Variants in RAD1 observed in about 807,000 individuals in gnomAD.
RAD1 encodes RAD1 checkpoint DNA exonuclease.
A neutral mutation model predicts 30.0 loss-of-function variants in RAD1; 21 were observed. That is an observed-to-expected ratio of 0.70 (90% confidence interval 0.50 to 1.01). The LOEUF (loss-of-function observed/expected upper bound fraction) is 1.01, where lower values mean the gene tolerates loss of function less well. RAD1 is among the 50% of genes least tolerant of loss of function. RAD1 has a pLI of 0.00. For synonymous variants in RAD1, 109 were observed against 113.6 expected, an observed-to-expected ratio of 0.96 and a Z score of 0.26; for missense variants, 329 against 329.0, an observed-to-expected ratio of 1.00 and a Z score of 0.00.
rs147035143 is a variant in RAD1 at position 34,908,781 on chromosome 5, G to C, written c.833C>G (p.Pro278Arg). ...EYYCCPDEEV[P>R]ESES ...TTGTCATACTCAAGACTCAGATTCA[G>C]GAACTTCTTCATCAGGGCAGCAGTA... is the stretch of plus-strand genomic sequence containing the variant. The change falls in exon 6 of 6, where the codon CCT (proline) becomes CGT (arginine). Residue 278 changes from proline to arginine, a missense_variant. Physicochemically the swap from Pro to Arg is moderately radical, Grantham distance 103. Coordinates refer to ENST00000382038, the MANE Select transcript of RAD1 (RefSeq NM_002853.4). 1 of 1,602,322 alleles carries C rather than the reference G, an allele frequency of 6.2e-7. No individual in the cohort carries two copies. The highest frequency in any genetic ancestry group is 8.5e-7 in the Non-Finnish European group (1 of 1,176,616).
chr5:34,915,045 G>A, intron 1 of RAD1, 84 bp from the exon 2 acceptor site: 1 of 744,776 alleles, frequency 1.3e-6, no homozygotes, highest in Non-Finnish European at 2.2e-6. Flanking sequence ...GAAAGGGGCT[G>A]GGAGGCTGAA....
In RAD1 at chr5:34,906,876, T is replaced by C. The variant is rs973916895; in HGVS notation, c.*1889A>G. 2.0e-5 allele frequency: 3 copies of C among 152,212 alleles called. No individual in the cohort carries two copies. Among genetic ancestry groups the C allele is most frequent in the Non-Finnish European group, 4.4e-5 (3 of 68,032 alleles). 9.4% of individuals were successfully genotyped at this position (152,212 alleles called of 1,614,324 possible). A position where few individuals can be genotyped will look rare whatever the true frequency, so the allele number is the denominator to read the frequency against. ...GTCCTTAGAATGTTGACTGATTAGATATTTTCCCAAGTATCTTTTAGGTTT... is the reference window on the plus strand; with the variant it reads ...GTCCTTAGAATGTTGACTGATTAGACATTTTCCCAAGTATCTTTTAGGTTT... On this transcript the variant is annotated 3_prime_UTR_variant, in exon 6 of 6. Coordinates refer to ENST00000382038, the MANE Select transcript of RAD1 (RefSeq NM_002853.4).
Position 34,915,415 on chromosome 5 carries a change from C to T in RAD1, c.-70+1G>A, listed in dbSNP as rs540259090. 1.8e-5 allele frequency: 5 copies of T among 275,878 alleles called. No homozygotes were observed. The South Asian group carries it at 3.2e-4, about 18-fold the overall frequency. The allele number at this position is 275,878 out of a possible 1,614,324, so 17.1% of individuals were successfully genotyped here. On this transcript the variant is annotated splice_donor_variant, in intron 1 of 5. Coordinates refer to ENST00000382038, the MANE Select transcript of RAD1 (RefSeq NM_002853.4). LOFTEE classifies it low-confidence loss of function (5UTR_SPLICE). The stretch of plus-strand genomic sequence containing the variant: ...GGGGTCCCCGAGTGCGGAAACCCTA[C>T]CTTTGCGGTGGGGTCTGGACGCCCG...
At chr5:34,909,554 GA>G (rs536120914) in intron 4 of RAD1, among the ~76,000 whole-genome samples, 198 bp from the exon 5 acceptor site, 40 of 152,252 alleles carry the variant, frequency 2.6e-4, no homozygotes, top group Admixed American at 2.1e-3. Context: ...TGGGTTTGAA[GA>G]AAATCAATTG....
chr5:34,913,177 C>T (rs1763903797), intron 3 of RAD1, among the ~76,000 whole-genome samples: 1 of 152,102 alleles, frequency 6.6e-6, no homozygotes, highest in African/African-American at 2.4e-5. Flanking sequence ...AAACATTTCA[C>T]AATGCTAAAA....
intron 2 of RAD1, among the ~76,000 whole-genome samples, chr5:34,914,228 A>G (rs142749072): frequency 6.6e-6 from 1 of 152,362 alleles, no homozygotes. Flanking sequence ...TGGAAAAAAG[A>G]GCATATATTC....
At chr5:34,911,858 G>A (rs1763858269) in intron 3 of RAD1, 46 bp from the exon 4 acceptor site, 1 of 1,580,178 alleles carries the variant, frequency 6.3e-7, no homozygotes, top group Non-Finnish European at 8.6e-7. Flanking sequence ...TATAGTTCTG[G>A]GTTCAGCTTC....
In RAD1 at chr5:34,908,613, G is replaced by A; in HGVS notation, c.*152C>T. ...CTACAAAATGGATTTACAAAACATA[G>A]TAACTATTAGGGTACATGACCTTGC... On this transcript the variant is annotated 3_prime_UTR_variant, in exon 6 of 6. Coordinates refer to ENST00000382038, the MANE Select transcript of RAD1 (RefSeq NM_002853.4). The A allele has an allele frequency of 3.3e-6, 2 of 599,522 alleles. No homozygotes were observed. The highest frequency in any genetic ancestry group is 5.7e-6 in the Non-Finnish European group (2 of 350,026). 37.1% of individuals were successfully genotyped at this position (599,522 alleles called of 1,614,324 possible).
At chr5:34,913,865 G>A in intron 2 of RAD1, 1 of 474,396 alleles carries the variant, frequency 2.1e-6, no homozygotes, top group Non-Finnish European at 4.1e-6. Context: ...TAATGCATGA[G>A]CAACATTAGT....
In RAD1 at chr5:34,915,464, T is replaced by C; in HGVS notation, c.-118A>G. 5.3e-6 allele frequency: 2 copies of C among 379,054 alleles called. No homozygotes were observed. Among genetic ancestry groups the C allele is most frequent in the East Asian group, 4.9e-5 (1 of 20,374 alleles). 23.5% of individuals were successfully genotyped at this position (379,054 alleles called of 1,614,324 possible). ...CGAGAGCCCTTCTCAGCAAAGTCCC[T>C]GAAGAGGAGCGAGGCGGCTCCGAGG... On this transcript the variant is annotated 5_prime_UTR_variant, in exon 1 of 6. Transcript: ENST00000382038.
In RAD1 at chr5:34,911,583, A is replaced by C; in HGVS notation, c.537T>G (p.Ile179Met). Residue 179 changes from isoleucine to methionine, a missense_variant, in exon 4 of 6, where the codon ATT becomes ATG. Transcript: ENST00000382038. ...ELDMTSEVLQ[I>M]TMSPDKPYFR... ...AATAAGGCTTGTCAGGAGACATGGT[A>C]ATTTGTAGGACTTCACTCGTCATAT... is the stretch of plus-strand genomic sequence containing the variant. The C allele has an allele frequency of 3.1e-6, 5 of 1,614,182 alleles. No individual in the cohort carries two copies. The highest frequency in any genetic ancestry group is 4.2e-6 in the Non-Finnish European group (5 of 1,180,018).
chr5:34,912,825 C>G (rs1467302987), intron 3 of RAD1, among the ~76,000 whole-genome samples: 3 of 152,062 alleles, frequency 2.0e-5, no homozygotes, highest in Non-Finnish European at 4.4e-5. Context: ...TATGGTGAAA[C>G]CCCATCTCTA....
At chr5:34,910,734 G>C (rs548501985) in intron 4 of RAD1, among the ~76,000 whole-genome samples, 8 of 152,056 alleles carry the variant, frequency 5.3e-5, no homozygotes, top group Non-Finnish European at 1.0e-4. Context: ...TTACAGCCGG[G>C]CCTGTAATTC....
intron 4 of RAD1, 108 bp downstream of exon 4, chr5:34,911,446 G>C: frequency 7.3e-7 from 1 of 1,373,318 alleles, no homozygotes; most frequent in South Asian, 1.4e-5. Context: ...CTAAAGTTGT[G>C]AAAACTCTAA....
chr5:34,910,987 T>C (rs1763818791), intron 4 of RAD1, among the ~76,000 whole-genome samples: 1 of 152,186 alleles, frequency 6.6e-6, no homozygotes, highest in Admixed American at 6.5e-5. Flanking sequence ...CCTCCCTAAA[T>C]CCTTATACAG....
Position 34,915,485 on chromosome 5 carries a change from C to T in RAD1, c.-139G>A, listed in dbSNP as rs1054403385. ...TCCCTGAAGAGGAGCGAGGCGGCTC[C>T]GAGGAACCGCGGAGGAAGTGAAGCC... On this transcript the variant is annotated 5_prime_UTR_variant, in exon 1 of 6. Transcript: ENST00000382038. 2 of 420,312 alleles carry T rather than the reference C, an allele frequency of 4.8e-6. No individual in the cohort carries two copies. Among genetic ancestry groups the T allele is most frequent in the East Asian group, 4.2e-5 (1 of 23,798 alleles). The allele number at this position is 420,312 out of a possible 1,614,324, so 26.0% of individuals were successfully genotyped here. A position where few individuals can be genotyped will look rare whatever the true frequency, so the allele number is the denominator to read the frequency against.
chr5:34,909,391 C>T (rs745903865), intron 4 of RAD1, 35 bp from the exon 5 acceptor site: 8 of 1,447,384 alleles, frequency 5.5e-6, no homozygotes, highest in South Asian at 4.7e-5. Context: ...ATTCATTCAT[C>T]CAAAAATAAA....
intron 3 of RAD1, among the ~76,000 whole-genome samples, chr5:34,912,635 T>A (rs901059991): frequency 6.6e-6 from 1 of 152,210 alleles, no homozygotes; most frequent in Admixed American, 6.5e-5. Context: ...CTTAGTTTTA[T>A]ACCCACAGCA....
At chr5:34,911,508 A>C (rs768466691) in intron 4 of RAD1, 46 bp downstream of exon 4, 1 of 1,592,140 alleles carries the variant, frequency 6.3e-7, no homozygotes, top group Non-Finnish European at 8.6e-7. Flanking sequence ...AAGTGGGAAG[A>C]TGGAGTACAG....
Sources: gnomAD v4.1 joint callset for allele counts (sites outside exome capture counted in the v4.1 genomes callset) on GRCh38, gnomAD v4.1.1 for gene constraint, MANE v1.5 for transcripts, NCBI Gene and HGNC (gene_info 2026-07-23, HGNC 2026-07-21) for gene names.